FNDC3A: variants seen among roughly 807,000 people sequenced by gnomAD.
The protein encoded by FNDC3A is fibronectin type-III domain-containing protein 3A.
A neutral mutation model predicts 148.9 loss-of-function variants in FNDC3A; 32 were observed. The ratio of observed to expected loss-of-function variants is 0.21; its 90% confidence interval spans 0.16 to 0.29. The LOEUF (loss-of-function observed/expected upper bound fraction) is 0.29, where lower values mean the gene tolerates loss of function less well. FNDC3A is among the 10% of genes least tolerant of loss of function. FNDC3A has a pLI of 1.00. For missense variants in FNDC3A, 1,191 were observed against 1,452.8 expected (o/e 0.82, Z 2.93); for synonymous variants, 472 against 473.6 (o/e 1.00, Z 0.04).
intron 14 of FNDC3A, among the ~76,000 whole-genome samples, chr13:49,182,432 T>A (rs940727038): frequency 6.6e-6 from 1 of 152,144 alleles, no homozygotes; most frequent in African/African-American, 2.4e-5. Flanking sequence ...TTTTAAACGA[T>A]CAAAGCCTTC....
chr13:49,158,063 C>T (rs1167062193), intron 8 of FNDC3A, among the ~76,000 whole-genome samples: 7 of 152,172 alleles, frequency 4.6e-5, no homozygotes, highest in Non-Finnish European at 7.4e-5. Flanking sequence ...TTCGAGCTTC[C>T]CGGCTGCTTT....
At chr13:49,027,814 TA>T (rs113605472) in intron 2 of FNDC3A, among the ~76,000 whole-genome samples, 1,723 of 152,126 alleles carry the variant, frequency 0.011, 35 homozygotes, top group African/African-American at 0.039. Context: ...ATATCATGCA[TA>T]AAACAGAGCA....
intron 2 of FNDC3A, among the ~76,000 whole-genome samples, chr13:49,049,822 C>T (rs780432844): frequency 2.6e-5 from 4 of 152,036 alleles, no homozygotes; most frequent in African/African-American, 4.8e-5. Flanking sequence ...CATGTTCAAG[C>T]GATTCATCTG....
intron 1 of FNDC3A, among the ~76,000 whole-genome samples, chr13:48,996,893 C>A (rs1013399258): frequency 1.3e-5 from 2 of 152,062 alleles, no homozygotes; most frequent in Admixed American, 6.6e-5. Flanking sequence ...GAAACCACAT[C>A]TCTACTAAAA....
At chr13:49,037,483 A>C (rs1472222479) in intron 2 of FNDC3A, among the ~76,000 whole-genome samples, 1 of 152,172 alleles carries the variant, frequency 6.6e-6, no homozygotes, top group African/African-American at 2.4e-5. Context: ...TTGGATAAGG[A>C]GGAGATAGAA....
intron 11 of FNDC3A, among the ~76,000 whole-genome samples, chr13:49,173,336 C>T (rs1399110446): frequency 6.6e-6 from 1 of 152,154 alleles, no homozygotes; most frequent in African/African-American, 2.4e-5. Context: ...ATTAGGAAAC[C>T]TATTAACATA....
chr13:49,064,310 C>T (rs564119137), intron 2 of FNDC3A, among the ~76,000 whole-genome samples: 3 of 151,610 alleles, frequency 2.0e-5, no homozygotes, highest in Non-Finnish European at 4.4e-5. Context: ...CATTGCACTA[C>T]AGCCTGGGCA....
chr13:49,042,363 T>G (rs758860229), intron 2 of FNDC3A, among the ~76,000 whole-genome samples: 1 of 152,232 alleles, frequency 6.6e-6, no homozygotes, highest in African/African-American at 2.4e-5. Flanking sequence ...TACAACTATT[T>G]TATCATCTTC....
At chr13:49,065,573 C>G (rs929163383) in intron 2 of FNDC3A, among the ~76,000 whole-genome samples, 2 of 152,104 alleles carry the variant, frequency 1.3e-5, no homozygotes, top group African/African-American at 4.8e-5. Context: ...TGTTGGATTT[C>G]AGTAAATTTT....
intron 19 of FNDC3A, 51 bp downstream of exon 19, chr13:49,191,435 C>T (rs1210992719): frequency 7.3e-7 from 1 of 1,376,424 alleles, no homozygotes; most frequent in Non-Finnish European, 9.8e-7. Flanking sequence ...ATATATGTTT[C>T]ATTTTAACAT....
At chr13:49,145,622 C>T (rs1310021713) in intron 7 of FNDC3A, among the ~76,000 whole-genome samples, 156 bp from the exon 8 acceptor site, 1 of 152,112 alleles carries the variant, frequency 6.6e-6, no homozygotes, top group African/African-American at 2.4e-5. Flanking sequence ...GAACCCACAA[C>T]AAATTATTTG....
chr13:49,169,571 G>A (rs1350852030), intron 10 of FNDC3A, among the ~76,000 whole-genome samples: 1 of 152,098 alleles, frequency 6.6e-6, no homozygotes, highest in Non-Finnish European at 1.5e-5. Flanking sequence ...TTGTGATCAG[G>A]TTAGAAATAG....
chr13:49,139,820 G>T (rs570324210), intron 7 of FNDC3A, among the ~76,000 whole-genome samples: 1 of 152,170 alleles, frequency 6.6e-6, no homozygotes, highest in Non-Finnish European at 1.5e-5. Context: ...AACCATATAT[G>T]TACTATTTTC....
At chr13:49,114,356 T>C (rs1248571718) in intron 3 of FNDC3A, among the ~76,000 whole-genome samples, 1 of 151,918 alleles carries the variant, frequency 6.6e-6, no homozygotes. Context: ...AAGACCCCAT[T>C]GACTAAGAAT....
At chr13:49,036,163 G>T (rs1420832404) in intron 2 of FNDC3A, among the ~76,000 whole-genome samples, 2 of 152,060 alleles carry the variant, frequency 1.3e-5, no homozygotes, top group Non-Finnish European at 2.9e-5. Flanking sequence ...TTCAAATTTA[G>T]ACATAGTGAA....
At chr13:49,001,527 C>G (rs970659151) in intron 1 of FNDC3A, among the ~76,000 whole-genome samples, 4 of 152,190 alleles carry the variant, frequency 2.6e-5, no homozygotes, top group Admixed American at 2.0e-4. Flanking sequence ...TCTCTTCTTT[C>G]AAAAGCAAAT....
At chr13:48,978,070 C>A (rs1449114206) in intron 1 of FNDC3A, among the ~76,000 whole-genome samples, 1 of 151,974 alleles carries the variant, frequency 6.6e-6, no homozygotes, top group Non-Finnish European at 1.5e-5. Context: ...TAATAATAAG[C>A]ATTAAAAAAA....
intron 2 of FNDC3A, among the ~76,000 whole-genome samples, chr13:49,059,154 GATATCCGC>G (rs1876473584): frequency 6.6e-6 from 1 of 152,132 alleles, no homozygotes; most frequent in Non-Finnish European, 1.5e-5. Flanking sequence ...AGGACAACTG[GATATCCGC>G]ATGCAAAACA....
rs553582704 is a variant in FNDC3A at position 49,202,779 on chromosome 13, G to C, written c.3155-378G>C. On this transcript the variant is annotated intron_variant, in intron 24 of 25. Transcript: ENST00000492622. ...GTGCTTTGGGAGACTGAAGTGGGAGGCTCACTTAAGGCCAGGAGTATTGAG... is the reference window on the plus strand; with the variant it reads ...GTGCTTTGGGAGACTGAAGTGGGAGCCTCACTTAAGGCCAGGAGTATTGAG... 8.7e-4 allele frequency among the ~76,000 whole-genome samples: 132 copies of C among 152,278 alleles called. 1 individual carries two copies. The highest frequency in any genetic ancestry group is 2.8e-3 in the African/African-American group (118 of 41,546).
Sources: gnomAD v4.1 joint callset for allele counts (sites outside exome capture counted in the v4.1 genomes callset) on GRCh38, gnomAD v4.1.1 for gene constraint, MANE v1.5 for transcripts, NCBI Gene and HGNC (gene_info 2026-07-23, HGNC 2026-07-21) for gene names.